LMLN: variants seen among roughly 807,000 people sequenced by gnomAD.
LMLN encodes the protein leishmanolysin like peptidase.
A neutral mutation model predicts 92.3 loss-of-function variants in LMLN; 70 were observed. The ratio of observed to expected loss-of-function variants is 0.76; its 90% CI spans 0.63 to 0.92. The LOEUF (loss-of-function observed/expected upper bound fraction) is 0.92. Ranked by LOEUF, LMLN falls within the 40% of genes least tolerant of loss-of-function variation. LMLN has a pLI of 0.00. For missense variants in LMLN, 691 were observed against 814.6 expected, an observed-to-expected ratio of 0.85 and a Z score of 1.85; for synonymous variants, 308 against 296.2, an observed-to-expected ratio of 1.04 and a Z score of -0.41.
intron 8 of LMLN, among the ~76,000 whole-genome samples, chr3:197,986,333 C>T (rs1431158589): frequency 2.0e-5 from 3 of 152,102 alleles, no homozygotes; most frequent in African/African-American, 4.8e-5. Flanking sequence ...TGGTTGCATG[C>T]GCCTGTAGTC....
At chr3:197,993,365 ACT>A (rs1168032352) in intron 9 of LMLN, among the ~76,000 whole-genome samples, 3 of 151,990 alleles carry the variant, frequency 2.0e-5, no homozygotes, top group Non-Finnish European at 4.4e-5. Flanking sequence ...AACCCTAGAG[ACT>A]CCATCAAAAA....
At chr3:197,961,410 A>T (rs568024483) in intron 1 of LMLN, among the ~76,000 whole-genome samples, 1 of 152,286 alleles carries the variant, frequency 6.6e-6, no homozygotes, top group Non-Finnish European at 1.5e-5. Flanking sequence ...TTTTATGGTA[A>T]TTTCCCAAAA....
In LMLN at chr3:198,031,945, T is replaced by C. The variant is rs1723088978; in HGVS notation, c.1657-3888T>C. On this transcript the variant is annotated intron_variant, in intron 14 of 15. Coordinates refer to ENST00000330198, the Ensembl canonical transcript of LMLN. The surrounding 1 kb of genome is among the most constrained non-coding windows in gnomAD (Gnocchi z 4.8). ...GATGAAACCCCTCATCTACTAAAAA[T>C]ACAAAAATTAGCCCGGTGTGGTGGT... is the stretch of plus-strand genomic sequence containing the variant. Among the ~76,000 whole-genome samples the C allele has an allele frequency of 6.6e-6, 1 of 151,688 alleles. No homozygotes were observed. The highest frequency in any genetic ancestry group is 2.4e-5 in the African/African-American group (1 of 41,338).
chr3:198,038,765 G>T, exon 16 of LMLN: 1 of 904,112 alleles, frequency 1.1e-6, no homozygotes, highest in East Asian at 2.4e-5. Context: ...GATGGTAGAA[G>T]TGGCATTCCT....
intron 14 of LMLN, among the ~76,000 whole-genome samples, chr3:198,026,795 A>C (rs985286363): frequency 6.6e-6 from 1 of 152,120 alleles, no homozygotes; most frequent in African/African-American, 2.4e-5. Flanking sequence ...GTTAGAGACT[A>C]AGATCTGGGC....
At chr3:198,020,674 A>G (rs568583911) in intron 12 of LMLN, among the ~76,000 whole-genome samples, 1 of 150,534 alleles carries the variant, frequency 6.6e-6, no homozygotes, top group African/African-American at 2.5e-5. Context: ...GCTCACTTCA[A>G]CCTCTGCCTC....
exon 16 of LMLN, chr3:198,039,023 C>CT (rs1723322129): frequency 8.8e-6 from 2 of 228,440 alleles, no homozygotes; most frequent in African/African-American, 2.3e-5. Context: ...ACCCAACCAC[C>CT]TCATCAGCAA....
At position 198,038,537 on chromosome 3, in the gene LMLN, A is replaced by G; in HGVS notation, c.1868-30A>G. 2.0e-6 allele frequency: 3 copies of G among 1,487,914 alleles called. No homozygotes were observed. In the South Asian group the frequency reaches 3.4e-5, roughly 17 times the overall value. 92.2% of individuals were successfully genotyped at this position (1,487,914 alleles called of 1,614,324 possible). On this transcript the variant is annotated intron_variant, in intron 15 of 15. Transcript: ENST00000330198. ...TATGATTTATCCCAAAATTGTTTAT[A>G]GAAAGTCAGTTTTTTGTTTTCAACT...
chr3:198,001,380 GT>G (rs893391971), intron 11 of LMLN, among the ~76,000 whole-genome samples: 1 of 152,178 alleles, frequency 6.6e-6, no homozygotes, highest in Non-Finnish European at 1.5e-5. Context: ...CTCATGATGT[GT>G]AGCTGGAGTG....
At chr3:198,021,460 C>G (rs764181630) in exon 13 of LMLN, 19 of 1,613,944 alleles carry the variant, frequency 1.2e-5, no homozygotes, top group East Asian at 6.7e-5. Context: ...TTGATGAACT[C>G]AGTGGAATAC....
At chr3:198,006,972 A>G (rs895296493) in intron 11 of LMLN, among the ~76,000 whole-genome samples, 1 of 152,136 alleles carries the variant, frequency 6.6e-6, no homozygotes, top group South Asian at 2.1e-4. Context: ...CAGCCTCCCA[A>G]AGTGCTGGGA....
chr3:198,013,491 CTT>C (rs1459667452), intron 11 of LMLN, among the ~76,000 whole-genome samples: 1 of 139,192 alleles, frequency 7.2e-6, no homozygotes, highest in Non-Finnish European at 1.5e-5. Flanking sequence ...ACTAGTCTGA[CTT>C]CTCTCCACCC....
exon 5 of LMLN, chr3:197,976,622 C>A: frequency 6.3e-7 from 1 of 1,597,740 alleles, no homozygotes; most frequent in Non-Finnish European, 8.6e-7. Context: ...ACCAATACCT[C>A]CGGAAGGAAA....
chr3:198,016,194 CAAAAAAAAA>C lies in LMLN; in HGVS notation c.1233-3048_1233-3040del, dbSNP rs202075630. 8.8e-3 allele frequency among the ~76,000 whole-genome samples: 739 copies of C among 83,890 alleles called. 5 individuals carry two copies. The highest frequency in any genetic ancestry group is 0.033 in the African/African-American group (703 of 21,084). 55.0% of individuals were successfully genotyped at this position (83,890 alleles called of 152,430 possible). A position where few individuals can be genotyped will look rare whatever the true frequency, so the allele number is the denominator to read the frequency against. ...TGACAGCAAGACCCTGTTGCAAAAA[CAAAAAAAAA>C]AAAAAAAAAAGGAAAAGAAAATACT... On this transcript the variant is annotated intron_variant, in intron 11 of 15. Transcript: ENST00000330198.
intron 1 of LMLN, among the ~76,000 whole-genome samples, chr3:197,970,685 A>G (rs939269800): frequency 2.6e-5 from 4 of 152,224 alleles, no homozygotes; most frequent in Admixed American, 2.0e-4. Context: ...AATAGTTTAG[A>G]CACAATGAGC....
At chr3:198,012,232 T>C (rs1722465413) in intron 11 of LMLN, among the ~76,000 whole-genome samples, 1 of 152,068 alleles carries the variant, frequency 6.6e-6, no homozygotes, top group Non-Finnish European at 1.5e-5. Context: ...GCCCGGCTAA[T>C]TTTTTTATTT....
chr3:197,995,969 C>A (rs1312485638), intron 9 of LMLN, among the ~76,000 whole-genome samples: 1 of 152,102 alleles, frequency 6.6e-6, no homozygotes, highest in East Asian at 1.9e-4. Context: ...AGAAAAGATA[C>A]TAAGTAGTAA....
At chr3:197,963,201 C>G (rs899893137) in intron 1 of LMLN, among the ~76,000 whole-genome samples, 1 of 144,088 alleles carries the variant, frequency 6.9e-6, no homozygotes, top group South Asian at 2.2e-4. Flanking sequence ...TTTTCTCTCT[C>G]TTTTTTTTTT....
At chr3:197,990,559 T>C (rs1035033100) in exon 9 of LMLN, 2 of 1,319,912 alleles carry the variant, frequency 1.5e-6, no homozygotes. Context: ...ATAATTACAG[T>C]CTGGGATTAT....
Sources: allele counts gnomAD v4.1 joint callset (sites outside exome capture counted in the v4.1 genomes callset), GRCh38; gene constraint gnomAD v4.1.1; non-coding constraint Gnocchi (gnomAD v3.1); transcripts MANE v1.5; gene names NCBI Gene and HGNC (gene_info 2026-07-23, HGNC 2026-07-21).